The following KCNIP4 variants were observed in gnomAD, a reference collection of about 807,000 sequenced individuals.
KCNIP4 encodes the protein potassium voltage-gated channel interacting protein 4, also known as Kv channel-interacting protein 4.
In KCNIP4, 12 loss-of-function variants were observed where a neutral mutation model predicts 34.0. The observed-to-expected ratio is 0.35, with a 90% CI of 0.23 to 0.57. KCNIP4 has a LOEUF of 0.57. KCNIP4 is among the 20% of genes least tolerant of loss of function. KCNIP4 has a pLI of 0.83. For synonymous variants in KCNIP4, 124 were observed against 102.2 expected, an observed-to-expected ratio of 1.21 and a Z score of -1.29; for missense variants, 238 against 311.7, an observed-to-expected ratio of 0.76 and a Z score of 1.78.
intron 1 of KCNIP4, among the ~76,000 whole-genome samples, chr4:21,709,628 C>CA (rs76346186): frequency 5.3e-5 from 8 of 150,262 alleles, no homozygotes; most frequent in Admixed American, 2.0e-4. Context: ...AGATCATCAA[C>CA]AAAAAAAACA....
chr4:21,054,402 C>T (rs1743218771), intron 1 of KCNIP4, among the ~76,000 whole-genome samples: 1 of 151,734 alleles, frequency 6.6e-6, no homozygotes, highest in Non-Finnish European at 1.5e-5. Flanking sequence ...AACTGTAATC[C>T]CAGCTACTCA....
chr4:21,096,631 A>G (rs1747479043), intron 1 of KCNIP4, among the ~76,000 whole-genome samples: 1 of 152,152 alleles, frequency 6.6e-6, no homozygotes, highest in African/African-American at 2.4e-5. Context: ...TATTTTGAAA[A>G]TAGCTCTTTT....
At chr4:21,383,031 T>C (rs1721662507) in intron 1 of KCNIP4, among the ~76,000 whole-genome samples, 1 of 152,140 alleles carries the variant, frequency 6.6e-6, no homozygotes, top group Admixed American at 6.6e-5. Flanking sequence ...TGGGCTCTAA[T>C]CCAATGTGAC....
At position 20,729,800 on chromosome 4, in the gene KCNIP4, G is replaced by A. The variant is rs1375673914; in HGVS notation, c.*282C>T. On this transcript the variant is annotated 3_prime_UTR_variant, in exon 9 of 9. Coordinates refer to ENST00000382152, the MANE Select transcript of KCNIP4 (RefSeq NM_025221.6). ...AAAGCCTCAATAATCCCATGGCTAAGGAACCAATAAAACTATATGCCAGAT... is the reference window on the plus strand; with the variant it reads ...AAAGCCTCAATAATCCCATGGCTAAAGAACCAATAAAACTATATGCCAGAT... 1 of 307,730 alleles carries A rather than the reference G, an allele frequency of 3.2e-6. No individual in the cohort carries two copies. The highest frequency in any genetic ancestry group is 2.2e-5 in the African/African-American group (1 of 46,452). The allele number at this position is 307,730 out of a possible 1,614,324, so 19.1% of individuals were successfully genotyped here. A position where few individuals can be genotyped will look rare whatever the true frequency, so the allele number is the denominator to read the frequency against.
chr4:20,811,180 C>T (rs1232415529), intron 3 of KCNIP4, among the ~76,000 whole-genome samples: 2 of 152,138 alleles, frequency 1.3e-5, no homozygotes, highest in Admixed American at 1.3e-4. Context: ...AGAGGCTTCC[C>T]TGTCTCATTT....
intron 1 of KCNIP4, among the ~76,000 whole-genome samples, chr4:21,429,360 A>G (rs1726229048): frequency 6.6e-6 from 1 of 152,026 alleles, no homozygotes; most frequent in Non-Finnish European, 1.5e-5. Flanking sequence ...CATTGCCTGG[A>G]TGCACCACAG....
chr4:21,428,353 C>G (rs1275434164), intron 1 of KCNIP4, among the ~76,000 whole-genome samples: 3 of 152,150 alleles, frequency 2.0e-5, no homozygotes, highest in African/African-American at 7.2e-5. Context: ...ATTAGACCAC[C>G]AGGACACTGA....
chr4:20,775,040 CT>C (rs1455150666), intron 3 of KCNIP4, among the ~76,000 whole-genome samples: 2 of 152,074 alleles, frequency 1.3e-5, no homozygotes, highest in Admixed American at 1.3e-4. Flanking sequence ...GAATTTTTAC[CT>C]CTGGTTTATT....
intron 1 of KCNIP4, among the ~76,000 whole-genome samples, chr4:21,546,672 C>T (rs924433135): frequency 1.3e-5 from 2 of 152,032 alleles, no homozygotes; most frequent in African/African-American, 4.8e-5. Context: ...TTATGTCTTC[C>T]TTCCATGATA....
intron 1 of KCNIP4, among the ~76,000 whole-genome samples, chr4:21,206,810 C>T (rs1756882319): frequency 6.6e-6 from 1 of 152,142 alleles, no homozygotes; most frequent in Non-Finnish European, 1.5e-5. Context: ...AAGCAATATT[C>T]CCAAGGTCAT....
At chr4:21,399,615 C>G (rs1018759136) in intron 1 of KCNIP4, among the ~76,000 whole-genome samples, 1 of 151,820 alleles carries the variant, frequency 6.6e-6, no homozygotes, top group Non-Finnish European at 1.5e-5. Flanking sequence ...AGATAAAATA[C>G]AGGAGGCTTG....
At chr4:21,719,620 C>A (rs1714640199) in intron 1 of KCNIP4, among the ~76,000 whole-genome samples, 2 of 152,184 alleles carry the variant, frequency 1.3e-5, no homozygotes, top group South Asian at 4.1e-4. Flanking sequence ...ACTGAACCAT[C>A]ACCTCTCATC....
chr4:21,395,637 A>T (rs957321366), intron 1 of KCNIP4, among the ~76,000 whole-genome samples: 2 of 152,184 alleles, frequency 1.3e-5, no homozygotes, highest in African/African-American at 4.8e-5. Flanking sequence ...ACACACATAA[A>T]CCATTAACAT....
intron 1 of KCNIP4, among the ~76,000 whole-genome samples, chr4:21,381,161 C>T (rs943362259): frequency 1.3e-5 from 2 of 152,128 alleles, no homozygotes; most frequent in Admixed American, 6.5e-5. Context: ...AGAGAAGGGA[C>T]GAGATGTCAT....
intron 2 of KCNIP4, among the ~76,000 whole-genome samples, chr4:20,870,807 T>A (rs976284521): frequency 6.6e-6 from 1 of 152,136 alleles, no homozygotes; most frequent in African/African-American, 2.4e-5. Flanking sequence ...CTGAATGAAG[T>A]CTGAATTGCC....
At chr4:20,897,668 A>G (rs1324839301) in intron 1 of KCNIP4, among the ~76,000 whole-genome samples, 2 of 152,110 alleles carry the variant, frequency 1.3e-5, no homozygotes, top group Non-Finnish European at 2.9e-5. Flanking sequence ...AGAAAGATAT[A>G]CTGTGATGTC....
intron 1 of KCNIP4, among the ~76,000 whole-genome samples, chr4:21,866,118 G>A (rs1436788612): frequency 6.6e-6 from 1 of 152,076 alleles, no homozygotes; most frequent in Non-Finnish European, 1.5e-5. Flanking sequence ...TTGCAGAGTT[G>A]CATTCCTATG....
chr4:21,767,153 C>T (rs1289207794), intron 1 of KCNIP4, among the ~76,000 whole-genome samples: 4 of 152,066 alleles, frequency 2.6e-5, no homozygotes, highest in Non-Finnish European at 4.4e-5. Context: ...AAGGAATTTG[C>T]TTTATGAAAG....
intron 1 of KCNIP4, among the ~76,000 whole-genome samples, chr4:21,417,494 ATGAG>A (rs1195269741): frequency 6.6e-6 from 1 of 152,172 alleles, no homozygotes; most frequent in East Asian, 1.9e-4. Flanking sequence ...GGCATTAAAA[ATGAG>A]TTAGTTAAAT....
Sources: allele counts gnomAD v4.1 joint callset (sites outside exome capture counted in the v4.1 genomes callset), GRCh38; gene constraint gnomAD v4.1.1; transcripts MANE v1.5; gene names NCBI Gene and HGNC (gene_info 2026-07-23, HGNC 2026-07-21).